DPP10: variants seen among roughly 807,000 people sequenced by gnomAD.
DPP10 encodes inactive dipeptidyl peptidase 10.
DPP10 carries 33 observed loss-of-function variants against 120.9 expected under a neutral mutation model. The ratio of observed to expected loss-of-function variants is 0.27; its 90% CI spans 0.21 to 0.37. The LOEUF (loss-of-function observed/expected upper bound fraction) is 0.37, where lower values mean the gene tolerates loss of function less well. Among genes scored for constraint, DPP10 ranks in the 10% least tolerant of loss-of-function variants. The pLI is 1.00. For missense variants in DPP10, 816 were observed against 942.8 expected (o/e 0.87, Z 1.76); for synonymous variants, 337 against 326.1 (o/e 1.03, Z -0.36).
intron 1 of DPP10, among the ~76,000 whole-genome samples, chr2:115,179,891 T>G (rs569797574): frequency 6.6e-6 from 1 of 152,296 alleles, no homozygotes; most frequent in Non-Finnish European, 1.5e-5. Flanking sequence ...ACAGAAGGAA[T>G]TTTTAGTTAA....
At chr2:115,777,372 GT>G in intron 14 of DPP10, 73 bp downstream of exon 14, 1 of 1,377,046 alleles carries the variant, frequency 7.3e-7, no homozygotes, top group South Asian at 1.2e-5. Flanking sequence ...ATAGAATTAT[GT>G]TTTGCTTACC....
intron 1 of DPP10, among the ~76,000 whole-genome samples, chr2:114,813,957 C>CAT (rs1262237156): frequency 2.6e-5 from 4 of 151,222 alleles, no homozygotes; most frequent in African/African-American, 9.7e-5. Flanking sequence ...CACACACACA[C>CAT]ACACACACAC....
intron 1 of DPP10, among the ~76,000 whole-genome samples, chr2:115,232,332 A>AG (rs1436907866): frequency 2.0e-5 from 3 of 152,170 alleles, no homozygotes; most frequent in African/African-American, 7.2e-5. Flanking sequence ...TGGAAAAAAA[A>AG]AAAGGTTTTT....
intron 3 of DPP10, among the ~76,000 whole-genome samples, chr2:115,389,974 G>A (rs1233676376): frequency 6.6e-6 from 1 of 152,152 alleles, no homozygotes; most frequent in Admixed American, 6.5e-5. Context: ...CTCATAGGCA[G>A]GATCGTGAGG....
intron 1 of DPP10, among the ~76,000 whole-genome samples, chr2:114,515,245 T>C (rs998724971): frequency 1.3e-5 from 2 of 152,194 alleles, no homozygotes; most frequent in African/African-American, 4.8e-5. Context: ...TTGTGTCTTT[T>C]CAGAGCCTAA....
chr2:115,821,065 C>T (rs1335322977), intron 21 of DPP10, among the ~76,000 whole-genome samples: 1 of 152,110 alleles, frequency 6.6e-6, no homozygotes, highest in Non-Finnish European at 1.5e-5. Context: ...AGTGGTTGTA[C>T]TAGTTTACAT....
At chr2:114,666,104 T>C (rs1697902771) in intron 1 of DPP10, among the ~76,000 whole-genome samples, 2 of 152,194 alleles carry the variant, frequency 1.3e-5, no homozygotes, top group Admixed American at 6.5e-5. Context: ...CTTCAGAACT[T>C]AGAGTTTTAC....
At chr2:115,111,132 T>C (rs954215792) in intron 1 of DPP10, among the ~76,000 whole-genome samples, 1 of 152,166 alleles carries the variant, frequency 6.6e-6, no homozygotes, top group Admixed American at 6.5e-5. Flanking sequence ...CATACACAAG[T>C]AGTAGCTTTT....
intron 1 of DPP10, among the ~76,000 whole-genome samples, chr2:115,306,717 C>CCTGTGTGCATCACT (rs1206004555): frequency 2.6e-5 from 4 of 152,090 alleles, no homozygotes; most frequent in Non-Finnish European, 5.9e-5. Flanking sequence ...ACCACACATT[C>CCTGTGTGCATCACT]TTATGTGCAT....
At chr2:114,478,692 CA>C (rs1041198590) in intron 1 of DPP10, among the ~76,000 whole-genome samples, 1 of 151,956 alleles carries the variant, frequency 6.6e-6, no homozygotes, top group Non-Finnish European at 1.5e-5. Flanking sequence ...GAGAGATCTA[CA>C]AAAAAACTTA....
At chr2:115,681,646 C>T (rs2090659111) in intron 5 of DPP10, among the ~76,000 whole-genome samples, 1 of 151,596 alleles carries the variant, frequency 6.6e-6, no homozygotes, top group East Asian at 1.9e-4. Context: ...TCTCTATTCC[C>T]TTGATGAGTG....
rs201193549 is a variant in DPP10 at position 115,657,647 on chromosome 2, G to GA, written c.442-32032dup. The stretch of plus-strand genomic sequence containing the variant: ...TAAATTAATAATGTGAGTGTGTGTA[G>GA]AAAAAAAAGCGTAGAAGTTTTATTT... On this transcript the variant is annotated intron_variant, in intron 5 of 25. Transcript: ENST00000410059. Among the ~76,000 whole-genome samples the GA allele has an allele frequency of 8.7e-3, 1,323 of 151,218 alleles. 12 individuals are homozygous for GA. Among genetic ancestry groups the GA allele is most frequent in the African/African-American group, 0.029 (1,198 of 41,322 alleles).
intron 1 of DPP10, among the ~76,000 whole-genome samples, chr2:114,524,080 TTGTC>T (rs1390167550): frequency 1.3e-5 from 2 of 152,364 alleles, no homozygotes; most frequent in East Asian, 3.9e-4. Context: ...ATTGTACCCA[TTGTC>T]TGTTGACTAT....
chr2:115,541,696 C>T (rs113310579), intron 5 of DPP10, among the ~76,000 whole-genome samples: 3 of 151,834 alleles, frequency 2.0e-5, no homozygotes, highest in African/African-American at 7.2e-5. Flanking sequence ...GTTAATTAAT[C>T]ATAAATTCAT....
intron 1 of DPP10, among the ~76,000 whole-genome samples, chr2:114,790,127 C>A (rs2574111): frequency 0.49 from 74,953 of 151,988 alleles, 19,656 homozygotes; most frequent in African/African-American, 0.67. Flanking sequence ...TTAATTACTG[C>A]AAGAAAAGGA....
intron 1 of DPP10, among the ~76,000 whole-genome samples, chr2:115,215,484 T>C (rs2056765239): frequency 6.6e-6 from 1 of 152,208 alleles, no homozygotes. Flanking sequence ...ATAGTTCACA[T>C]GTCTATTATT....
intron 19 of DPP10, among the ~76,000 whole-genome samples, chr2:115,813,036 C>G (rs1375427301): frequency 8.2e-6 from 1 of 121,724 alleles, no homozygotes; most frequent in Non-Finnish European, 1.6e-5. Flanking sequence ...CTGCGGACTG[C>G]AGTGGCGCAA....
At chr2:115,587,264 A>G (rs936994235) in intron 5 of DPP10, among the ~76,000 whole-genome samples, 34 of 151,426 alleles carry the variant, frequency 2.2e-4, no homozygotes, top group African/African-American at 8.0e-4. Context: ...CGCCCAGCTA[A>G]TTTTTTTGTA....
chr2:115,506,935 GTCA>G lies in DPP10; in HGVS notation c.366+7336_366+7338del, dbSNP rs374765376. ...AAATATTGTGATGACTATAACCTGT[GTCA>G]TCATTCTTTCCATCCAAATGTTTTC... On this transcript the variant is annotated intron_variant, in intron 4 of 25. Transcript: ENST00000410059. Among the ~76,000 whole-genome samples the G allele has an allele frequency of 3.1e-3, 473 of 152,088 alleles. 3 individuals carry two copies. Among genetic ancestry groups the G allele is most frequent in the African/African-American group, 0.011 (448 of 41,490 alleles).
Sources: allele counts gnomAD v4.1 joint callset (sites outside exome capture counted in the v4.1 genomes callset), GRCh38; gene constraint gnomAD v4.1.1; transcripts MANE v1.5; gene names NCBI Gene and HGNC (gene_info 2026-07-23, HGNC 2026-07-21).